Variants in SMCHD1 observed in about 807,000 individuals in gnomAD.
The protein encoded by SMCHD1 is structural maintenance of chromosomes flexible hinge domain containing 1.
A neutral mutation model predicts 254.7 loss-of-function variants in SMCHD1; 78 were observed. The observed-to-expected ratio is 0.31, with a 90% CI of 0.26 to 0.37. The LOEUF (loss-of-function observed/expected upper bound fraction) is 0.37, where lower values mean the gene tolerates loss of function less well. SMCHD1 is among the 10% of genes least tolerant of loss of function. The pLI is 1.00. For missense variants in SMCHD1, 1,840 were observed against 2,408.1 expected, an observed-to-expected ratio of 0.76 and a Z score of 4.94; for synonymous variants, 766 against 794.9, an observed-to-expected ratio of 0.96 and a Z score of 0.61.
chr18:2,678,841 T>TC, intron 5 of SMCHD1, among the ~76,000 whole-genome samples: 1 of 11,226 alleles, frequency 8.9e-5, no homozygotes, highest in East Asian at 0.02. Flanking sequence ...TTTTTTTTGT[T>TC]TGTTTGTTTT....
chr18:2,662,667 C>CAAAAAAAAAAAAAAAAAAAA (rs745838636), intron 1 of SMCHD1, among the ~76,000 whole-genome samples: 30 of 35,672 alleles, frequency 8.4e-4, no homozygotes, highest in East Asian at 1.9e-3. Flanking sequence ...AACAAAAAAC[C>CAAAAAAAAAAAAAAAAAAAA]AAAAAAAAAA....
At position 2,697,138 on chromosome 18, in the gene SMCHD1, A is replaced by T. The variant is rs7235096; in HGVS notation, c.1131+16A>T. 8 of 1,215,924 alleles carry T rather than the reference A, an allele frequency of 6.6e-6. No homozygotes were observed. Among genetic ancestry groups the T allele is most frequent in the Non-Finnish European group, 9.1e-6 (8 of 876,918 alleles). 75.3% of individuals were successfully genotyped at this position (1,215,924 alleles called of 1,614,324 possible). ...TGATATTGAAGTAAGAGAAAAATCC[A>T]TCTTAAAATAATAAAAATTATGAGA... On this transcript the variant is annotated intron_variant, in intron 9 of 47. Transcript: ENST00000320876.
In SMCHD1 at chr18:2,804,826, G is replaced by A. The variant is rs2076418683; in HGVS notation, c.*2274G>A. 6.6e-6 allele frequency: 1 copy of A among 152,170 alleles called. No individual in the cohort carries two copies. The highest frequency in any genetic ancestry group is 2.4e-5 in the African/African-American group (1 of 41,462). The allele number at this position is 152,170 out of a possible 1,614,324, so 9.4% of individuals were successfully genotyped here. A position where few individuals can be genotyped will look rare whatever the true frequency, so the allele number is the denominator to read the frequency against. Reference sequence around the variant, plus strand: ...TTTAATACTAGTCTTTTAGTATAAAGGAATGTAACTGGAGAAAAAAATTAA... The same window carrying A: ...TTTAATACTAGTCTTTTAGTATAAAAGAATGTAACTGGAGAAAAAAATTAA... On this transcript the variant is annotated 3_prime_UTR_variant, in exon 48 of 48. Transcript: ENST00000320876.
chr18:2,803,491 G>T lies in SMCHD1; in HGVS notation c.*939G>T, dbSNP rs1223499202. 1 of 151,986 alleles carries T rather than the reference G, an allele frequency of 6.6e-6. No individual in the cohort carries two copies. The highest frequency in any genetic ancestry group is 2.4e-5 in the African/African-American group (1 of 41,402). The allele number at this position is 151,986 out of a possible 1,614,324, so 9.4% of individuals were successfully genotyped here. A position where few individuals can be genotyped will look rare whatever the true frequency, so the allele number is the denominator to read the frequency against. On this transcript the variant is annotated 3_prime_UTR_variant, in exon 48 of 48. Coordinates refer to ENST00000320876, the MANE Select transcript of SMCHD1 (RefSeq NM_015295.3). ...TGTAAGTTCAAGACTATTGATCTGTGAAGTTATTTTGTAAGGACATACATT... is the reference window on the plus strand; with the variant it reads ...TGTAAGTTCAAGACTATTGATCTGTTAAGTTATTTTGTAAGGACATACATT...
At chr18:2,664,838 G>C (rs2073391749) in intron 1 of SMCHD1, among the ~76,000 whole-genome samples, 1 of 152,210 alleles carries the variant, frequency 6.6e-6, no homozygotes, top group South Asian at 2.1e-4. Context: ...ATCAGCCAGA[G>C]CTATTTTGGT....
chr18:2,663,528 TGTCTAA>T (rs1276937201), intron 1 of SMCHD1, among the ~76,000 whole-genome samples: 2 of 152,186 alleles, frequency 1.3e-5, no homozygotes, highest in Non-Finnish European at 2.9e-5. Flanking sequence ...AATTTATTTT[TGTCTAA>T]GTTAAGGTGT....
chr18:2,793,570 C>T (rs1205746031), intron 45 of SMCHD1, among the ~76,000 whole-genome samples: 1 of 146,976 alleles, frequency 6.8e-6, no homozygotes, highest in East Asian at 2.0e-4. Context: ...GAGGCTGAGG[C>T]AGGAGAATGG....
intron 3 of SMCHD1, among the ~76,000 whole-genome samples, chr18:2,668,405 A>G (rs1206443967): frequency 2.0e-5 from 3 of 152,212 alleles, no homozygotes; most frequent in Admixed American, 2.0e-4. Flanking sequence ...GAAATAATAT[A>G]GGTAAAGATC....
At chr18:2,666,577 C>A (rs780341168) in intron 2 of SMCHD1, among the ~76,000 whole-genome samples, 10 of 152,156 alleles carry the variant, frequency 6.6e-5, no homozygotes, top group Non-Finnish European at 1.3e-4. Context: ...CTGATTCCAT[C>A]TGAATTTAAC....
At chr18:2,700,685 T>C in intron 11 of SMCHD1, 26 bp downstream of exon 11, 1 of 1,603,478 alleles carries the variant, frequency 6.2e-7, no homozygotes, top group South Asian at 1.1e-5. Flanking sequence ...GCTGAAATTA[T>C]GTTTTTACAA....
chr18:2,749,788 C>T (rs1473751892), intron 30 of SMCHD1, among the ~76,000 whole-genome samples: 2 of 152,162 alleles, frequency 1.3e-5, no homozygotes, highest in Admixed American at 1.3e-4. Context: ...AACTAGAAAT[C>T]TGCAACTTAG....
intron 1 of SMCHD1, among the ~76,000 whole-genome samples, chr18:2,658,280 A>G (rs611187): frequency 0.39 from 59,369 of 152,098 alleles, 14,038 homozygotes; most frequent in African/African-American, 0.67. Flanking sequence ...GAGATGTCTC[A>G]GTAACTCTTA....
chr18:2,703,710 G>A lies in SMCHD1; in HGVS notation c.1666G>A (p.Asp556Asn). The change falls in exon 13 of 48, where the codon GAC becomes AAC. Residue 556 changes from aspartate (D) to asparagine (N), a missense_variant. By Grantham distance (23) the Asp-to-Asn change is conservative. Coordinates refer to ENST00000320876, the MANE Select transcript of SMCHD1 (RefSeq NM_015295.3). ...TCTACAGGAACAGCGAATGAAAATT[G>A]ACAGAGAATTTGCTTTGTGGCTGAA... is the stretch of plus-strand genomic sequence containing the variant. ...LNGQEQRMKI[D>N]REFALWLKDC... 6.2e-7 allele frequency: 1 copy of A among 1,607,606 alleles called. No homozygotes were observed. The highest frequency in any genetic ancestry group is 8.5e-7 in the Non-Finnish European group (1 of 1,177,752).
rs554091570 is a variant in SMCHD1, at chr18:2,776,296, G to T, written c.5366+372G>T. 2.6e-5 allele frequency among the ~76,000 whole-genome samples: 4 copies of T among 152,120 alleles called. No individual in the cohort carries two copies. The South Asian group carries it at 8.3e-4, about 32-fold the overall frequency. On this transcript the variant is annotated intron_variant, in intron 42 of 47. Coordinates refer to ENST00000320876, the MANE Select transcript of SMCHD1 (RefSeq NM_015295.3). ...CCAGGCTAGGCGTGATCACAACTCA[G>T]TGCAGCCTCAACGTCCCTGGATTCA...
At chr18:2,784,088 A>G (rs1022279253) in intron 44 of SMCHD1, among the ~76,000 whole-genome samples, 1 of 152,152 alleles carries the variant, frequency 6.6e-6, no homozygotes, top group Non-Finnish European at 1.5e-5. Context: ...TCATCTAAAA[A>G]ACTTAAATCT....
intron 19 of SMCHD1, among the ~76,000 whole-genome samples, chr18:2,719,745 G>A (rs1236054832): frequency 6.7e-6 from 1 of 149,206 alleles, no homozygotes; most frequent in Non-Finnish European, 1.5e-5. Flanking sequence ...GTGTGATCTC[G>A]GCTCACTGCA....
At chr18:2,723,267 GT>G (rs1245399541) in intron 20 of SMCHD1, among the ~76,000 whole-genome samples, 2 of 152,164 alleles carry the variant, frequency 1.3e-5, no homozygotes, top group African/African-American at 4.8e-5. Flanking sequence ...AATGGTTAGG[GT>G]TTTTTTAAAA....
chr18:2,686,006 T>A (rs2074042907), intron 5 of SMCHD1, among the ~76,000 whole-genome samples: 1 of 152,202 alleles, frequency 6.6e-6, no homozygotes, highest in Admixed American at 6.5e-5. Flanking sequence ...ATTCATTCCT[T>A]TGTGTAAATC....
intron 17 of SMCHD1, among the ~76,000 whole-genome samples, chr18:2,710,831 G>A (rs1390469174): frequency 6.6e-6 from 1 of 152,138 alleles, no homozygotes; most frequent in African/African-American, 2.4e-5. Flanking sequence ...CCTTTATCAT[G>A]TTGAAGAAGT....
Sources: gnomAD v4.1 joint callset for allele counts (sites outside exome capture counted in the v4.1 genomes callset) on GRCh38, gnomAD v4.1.1 for gene constraint, MANE v1.5 for transcripts, NCBI Gene and HGNC (gene_info 2026-07-23, HGNC 2026-07-21) for gene names.